RAB9A: variants seen among roughly 807,000 people sequenced by gnomAD.
The protein encoded by RAB9A is RAB9A, member RAS oncogene family.
Under a neutral mutation model 10.3 loss-of-function variants are expected in RAB9A, and 1 was observed. The observed-to-expected ratio is 0.10, with a 90% CI of 0.03 to 0.46. RAB9A has a LOEUF of 0.46. RAB9A is among the 20% of genes least tolerant of loss of function. The pLI is 0.96. For missense variants in RAB9A, 92 were observed against 150.3 expected (o/e 0.61, Z 2.03); for synonymous variants, 39 against 55.2 (o/e 0.71, Z 1.30).
At chrX:13,695,932 T>G (rs2046145664) in intron 1 of RAB9A, among the ~76,000 whole-genome samples, 1 of 109,927 alleles carries the variant, frequency 9.1e-6, no homozygotes, top group Non-Finnish European at 1.9e-5. Flanking sequence ...ATCAGAGTGG[T>G]TTTATGGACA....
chrX:13,696,563 A>G (rs1043666296), intron 1 of RAB9A, among the ~76,000 whole-genome samples: 2 of 112,645 alleles, frequency 1.8e-5, no homozygotes, highest in African/African-American at 6.5e-5. Flanking sequence ...GGTGTTTTCT[A>G]GAAACATACA....
chrX:13,690,314 C>T (rs2046115008), intron 1 of RAB9A, among the ~76,000 whole-genome samples: 1 of 112,190 alleles, frequency 8.9e-6, no homozygotes, highest in African/African-American at 3.2e-5. Flanking sequence ...ATGATTGCTT[C>T]TCTAGAACTT....
chrX:13,693,048 C>G (rs1164534969), intron 1 of RAB9A, among the ~76,000 whole-genome samples: 5 of 112,368 alleles, frequency 4.4e-5, no homozygotes, highest in Non-Finnish European at 9.4e-5. Context: ...GCTCCTCCAG[C>G]CAACTTAGGT....
rs375268853 is a variant in RAB9A at position 13,692,869 on chromosome X, C to T, written c.-116+3581C>T. On this transcript the variant is annotated intron_variant, in intron 1 of 2. Coordinates refer to ENST00000464506, the MANE Select transcript of RAB9A (RefSeq NM_004251.5). ...CTTTGCTGATGAATAGATTTCTCTG[C>T]CTCTTATCAGGAGTTGTCTGCTGTG... Among the ~76,000 whole-genome samples, 22 of 112,468 alleles carry T rather than the reference C, an allele frequency of 2.0e-4. No individual in the cohort carries two copies. In the East Asian group the frequency reaches 5.0e-3, roughly 25 times the overall value.
chrX:13,695,937 TG>T (rs1569224896), intron 1 of RAB9A, among the ~76,000 whole-genome samples: 1 of 110,780 alleles, frequency 9.0e-6, no homozygotes, highest in Non-Finnish European at 1.9e-5. Context: ...AGTGGTTTTA[TG>T]GACAATTAGG....
At chrX:13,690,065 C>G (rs2046113722) in intron 1 of RAB9A, among the ~76,000 whole-genome samples, 1 of 107,700 alleles carries the variant, frequency 9.3e-6, no homozygotes, top group African/African-American at 3.4e-5. Flanking sequence ...TGACCACAAT[C>G]TTTTCATAGG....
At position 13,709,317 on chromosome X, in the gene RAB9A, C is replaced by T; in HGVS notation, c.571C>T (p.His191Tyr). 8.3e-7 allele frequency: 1 copy of T among 1,206,932 alleles called. No homozygotes were observed. Reference sequence around the variant, plus strand: ...GATTCAGACAGACACAGTCAATCTTCACCGAAAGCCCAAGCCTAGCTCATC... The same window carrying T: ...GATTCAGACAGACACAGTCAATCTTTACCGAAAGCCCAAGCCTAGCTCATC... ...HLIQTDTVNL[H>Y]RKPKPSSSCC The change falls in exon 3 of 3, where the codon CAC (histidine) becomes TAC (tyrosine). Residue 191 changes from histidine to tyrosine, a missense_variant. His to Tyr is a moderately conservative substitution (Grantham distance 83, BLOSUM62 2). Transcript: ENST00000464506.
chrX:13,698,919 A>C (rs1202727166), intron 1 of RAB9A, among the ~76,000 whole-genome samples: 1 of 110,217 alleles, frequency 9.1e-6, no homozygotes, highest in African/African-American at 3.3e-5. Context: ...GTACACCTCT[A>C]AGTAGGACAT....
chrX:13,699,281 A>G (rs921156453), intron 1 of RAB9A, among the ~76,000 whole-genome samples: 1 of 112,357 alleles, frequency 8.9e-6, no homozygotes, highest in African/African-American at 3.2e-5. Flanking sequence ...GGGAGAACTG[A>G]TAGAGAAACA....
At chrX:13,699,535 T>C (rs1411872726) in intron 1 of RAB9A, among the ~76,000 whole-genome samples, 1 of 112,195 alleles carries the variant, frequency 8.9e-6, no homozygotes, top group African/African-American at 3.2e-5. Context: ...TGAAGGTGAT[T>C]AGAGCATAAG....
chrX:13,695,842 A>C (rs2046145362), intron 1 of RAB9A, among the ~76,000 whole-genome samples: 1 of 111,560 alleles, frequency 9.0e-6, no homozygotes, highest in Non-Finnish European at 1.9e-5. Flanking sequence ...AAATAGCTTC[A>C]TGAAGAGCTT....
chrX:13,695,021 T>A (rs1205810498), intron 1 of RAB9A, among the ~76,000 whole-genome samples: 1 of 112,032 alleles, frequency 8.9e-6, no homozygotes, highest in Non-Finnish European at 1.9e-5. Context: ...GAAGTGGGTC[T>A]GCTAGGGTAG....
At chrX:13,691,659 C>CAAAAAAAAAAAA (rs765886332) in intron 1 of RAB9A, among the ~76,000 whole-genome samples, 2 of 15,933 alleles carry the variant, frequency 1.3e-4, no homozygotes, top group African/African-American at 1.7e-4. Context: ...GACTCCATCT[C>CAAAAAAAAAAAA]AAAAAAAAAA....
intron 1 of RAB9A, among the ~76,000 whole-genome samples, chrX:13,692,152 T>TA (rs897444638): frequency 2.6e-4 from 28 of 106,278 alleles, no homozygotes; most frequent in East Asian, 8.7e-4. Flanking sequence ...AAAAATAAAT[T>TA]AAAAAAAAAA....
intron 1 of RAB9A, among the ~76,000 whole-genome samples, chrX:13,696,438 G>T (rs1039426479): frequency 2.2e-4 from 24 of 110,205 alleles, no homozygotes; most frequent in African/African-American, 7.9e-4. Context: ...AAAGAAAAAA[G>T]ACTTGGGTAC....
intron 2 of RAB9A, among the ~76,000 whole-genome samples, chrX:13,705,374 T>TA (rs1223835974): frequency 2.7e-5 from 3 of 111,760 alleles, no homozygotes; most frequent in African/African-American, 9.8e-5. Flanking sequence ...ATGGGAAATG[T>TA]AAAAAATTGT....
chrX:13,708,590 A>T, intron 2 of RAB9A, 131 bp from the exon 3 acceptor site: 1 of 577,973 alleles, frequency 1.7e-6, no homozygotes, highest in Admixed American at 3.8e-5. Context: ...GTGCTCAGTA[A>T]ACAACAAGTC....
intron 2 of RAB9A, among the ~76,000 whole-genome samples, chrX:13,704,639 G>C (rs1419791752): frequency 1.0e-5 from 1 of 100,093 alleles, no homozygotes; most frequent in Admixed American, 1.1e-4. Context: ...TTTTTAGATA[G>C]AGTCTAGCTC....
intron 1 of RAB9A, among the ~76,000 whole-genome samples, chrX:13,694,891 A>G (rs1315408129): frequency 9.0e-6 from 1 of 111,574 alleles, no homozygotes; most frequent in East Asian, 2.8e-4. Context: ...TTAGTTGCTA[A>G]GCTGAGGGGA....
Sources: gnomAD v4.1 joint callset for allele counts (sites outside exome capture counted in the v4.1 genomes callset) on GRCh38, gnomAD v4.1.1 for gene constraint, MANE v1.5 for transcripts, NCBI Gene and HGNC (gene_info 2026-07-23, HGNC 2026-07-21) for gene names.